The following TBL1X variants were observed in gnomAD, a reference collection of about 807,000 sequenced individuals.
The protein encoded by TBL1X is F-box-like/WD repeat-containing protein TBL1X.
In TBL1X, 10 loss-of-function variants were observed where a neutral mutation model predicts 50.7. The ratio of observed to expected loss-of-function variants is 0.20; its 90% CI spans 0.12 to 0.33. TBL1X has a LOEUF of 0.33. Ranked by LOEUF, TBL1X falls within the 10% of genes least tolerant of loss-of-function variation. The probability of loss-of-function intolerance (pLI) is 1.00; values close to 1 mark genes in which losing one functional copy is unlikely to be tolerated. For synonymous variants in TBL1X, 190 were observed against 214.7 expected (o/e 0.88, Z 1.01); for missense variants, 340 against 504.4 (o/e 0.67, Z 3.12).
intron 1 of TBL1X, among the ~76,000 whole-genome samples, chrX:9,467,012 T>G (rs912257156): frequency 1.8e-5 from 2 of 112,076 alleles, no homozygotes; most frequent in Non-Finnish European, 3.8e-5. Context: ...TCAGGCATTT[T>G]GCCCCTTTAC....
Position 9,702,983 on chromosome X carries a change from A to G in TBL1X, c.1115-2010A>G, listed in dbSNP as rs113938106. ...CGGACGACTAGCTCTCGAAGTCCCA[A>G]GCTCTCTGCCCCGTAAGGCATTACC... is the stretch of plus-strand genomic sequence containing the variant. On this transcript the variant is annotated intron_variant, in intron 12 of 17. Coordinates refer to ENST00000645353, the MANE Select transcript of TBL1X (RefSeq NM_005647.4). 3.0e-3 allele frequency among the ~76,000 whole-genome samples: 331 copies of G among 111,723 alleles called. 2 individuals are homozygous for G. The highest frequency in any genetic ancestry group is 0.01 in the African/African-American group (312 of 30,697).
chrX:9,656,443 G>A (rs1381978052), intron 5 of TBL1X, among the ~76,000 whole-genome samples: 2 of 112,737 alleles, frequency 1.8e-5, no homozygotes, highest in Non-Finnish European at 3.7e-5. Flanking sequence ...AGGGGGCCAC[G>A]GAGCATGAGC....
At chrX:9,649,766 C>T (rs1019846283) in intron 3 of TBL1X, among the ~76,000 whole-genome samples, 4 of 111,008 alleles carry the variant, frequency 3.6e-5, no homozygotes, top group East Asian at 5.7e-4. Flanking sequence ...TTCATCTCCA[C>T]GAATCAGAGT....
intron 1 of TBL1X, among the ~76,000 whole-genome samples, chrX:9,496,778 G>A (rs1211109624): frequency 7.2e-5 from 8 of 111,836 alleles, no homozygotes; most frequent in East Asian, 2.8e-4. Flanking sequence ...TTCCTAGCCC[G>A]AATGAGGGTG....
At chrX:9,563,839 T>C (rs2082335395) in intron 2 of TBL1X, among the ~76,000 whole-genome samples, 1 of 112,440 alleles carries the variant, frequency 8.9e-6, no homozygotes, top group African/African-American at 3.2e-5. Flanking sequence ...AAAAATTTTA[T>C]ACCAAGGGAC....
chrX:9,708,501 A>G (rs909518488), intron 13 of TBL1X, among the ~76,000 whole-genome samples: 1 of 111,470 alleles, frequency 9.0e-6, no homozygotes, highest in Non-Finnish European at 1.9e-5. Flanking sequence ...TTCACTTCTC[A>G]TGTTTACCCC....
rs193280926 is a variant in TBL1X, at chrX:9,635,282, G to A, written c.-130-4991G>A. ...CTCCAGACATTGCCTAATATCCCCT[G>A]GGAGATGGCGGGGGGTGTGGGGAGG... On this transcript the variant is annotated intron_variant, in intron 2 of 17. Transcript: ENST00000645353. Among the ~76,000 whole-genome samples, 196 of 111,317 alleles carry A rather than the reference G, an allele frequency of 1.8e-3. 1 individual carries two copies. The highest frequency in any genetic ancestry group is 6.2e-3 in the African/African-American group (191 of 30,654).
chrX:9,465,683 C>T (rs1490715906), intron 1 of TBL1X, among the ~76,000 whole-genome samples: 1 of 112,898 alleles, frequency 8.9e-6, no homozygotes, highest in Non-Finnish European at 1.9e-5. Flanking sequence ...CCCGAAGTGC[C>T]GGCGCGCCTT....
chrX:9,566,824 C>T (rs1219895655), intron 2 of TBL1X, among the ~76,000 whole-genome samples: 2 of 111,750 alleles, frequency 1.8e-5, no homozygotes, highest in Non-Finnish European at 3.8e-5. Flanking sequence ...GTGTTTTTCC[C>T]TAGAATTGAC....
intron 2 of TBL1X, among the ~76,000 whole-genome samples, chrX:9,588,939 G>A (rs1388638596): frequency 9.0e-6 from 1 of 111,200 alleles, no homozygotes; most frequent in East Asian, 2.8e-4. Context: ...TTACACTATT[G>A]TTTCTTTTGA....
intron 2 of TBL1X, among the ~76,000 whole-genome samples, chrX:9,565,649 C>T (rs1569057947): frequency 1.8e-5 from 2 of 110,472 alleles, no homozygotes; most frequent in African/African-American, 3.3e-5. Context: ...GGCAGCATAG[C>T]GTGACCCTTT....
intron 2 of TBL1X, among the ~76,000 whole-genome samples, chrX:9,565,850 C>T (rs1476796295): frequency 9.0e-6 from 1 of 110,850 alleles, no homozygotes; most frequent in Non-Finnish European, 1.9e-5. Context: ...ACAAAAACAA[C>T]AACAAAAAAA....
At position 9,505,319 on chromosome X, in the gene TBL1X, AC is replaced by A. The variant is rs1197308529; in HGVS notation, c.-131+3471del. Among the ~76,000 whole-genome samples, 4 of 112,153 alleles carry A rather than the reference AC, an allele frequency of 3.6e-5. No homozygotes were observed. The South Asian group carries it at 1.1e-3, about 31-fold the overall frequency. On this transcript the variant is annotated intron_variant, in intron 2 of 17. Coordinates refer to ENST00000645353, the MANE Select transcript of TBL1X (RefSeq NM_005647.4). The stretch of plus-strand genomic sequence containing the variant: ...GAAGCACTAAATATGGTAAGGAAAA[AC>A]TGGTACTAGCCACTGCAAAAACACA...
intron 5 of TBL1X, among the ~76,000 whole-genome samples, chrX:9,663,457 C>T (rs947050659): frequency 4.5e-5 from 5 of 111,565 alleles, no homozygotes; most frequent in Admixed American, 1.9e-4. Context: ...GAACAGGCCA[C>T]GTCAGAAGAT....
intron 2 of TBL1X, among the ~76,000 whole-genome samples, chrX:9,600,253 G>T (rs756462292): frequency 2.2e-4 from 24 of 110,405 alleles, no homozygotes; most frequent in African/African-American, 6.6e-4. Context: ...GGCACTGGCA[G>T]TTTTGGTGTC....
chrX:9,529,162 G>C (rs910026715), intron 2 of TBL1X, among the ~76,000 whole-genome samples: 1 of 111,916 alleles, frequency 8.9e-6, no homozygotes, highest in Non-Finnish European at 1.9e-5. Flanking sequence ...TGTGAACCAC[G>C]GCCCATATTT....
rs2082002935 is a variant in TBL1X, at chrX:9,501,839, C to T, written c.-141C>T. 1 of 111,519 alleles carries T rather than the reference C, an allele frequency of 9.0e-6. No homozygotes were observed. Among genetic ancestry groups the T allele is most frequent in the Non-Finnish European group, 1.9e-5 (1 of 53,050 alleles). 9.2% of individuals were successfully genotyped at this position (111,519 alleles called of 1,213,427 possible). ...CAGATGCCTCGCAGAGCACCAGGCC[C>T]ACCGTGAAAGGTACAGCAAATTTTA... On this transcript the variant is annotated 5_prime_UTR_variant, in exon 2 of 18. Transcript: ENST00000645353.
At chrX:9,667,626 T>C (rs762231316) in intron 5 of TBL1X, among the ~76,000 whole-genome samples, 1 of 112,358 alleles carries the variant, frequency 8.9e-6, no homozygotes, top group African/African-American at 3.2e-5. Flanking sequence ...ATTTTGCTTT[T>C]TCTTTTAAAC....
At chrX:9,594,731 G>A (rs2082519133) in intron 2 of TBL1X, among the ~76,000 whole-genome samples, 1 of 112,160 alleles carries the variant, frequency 8.9e-6, no homozygotes, top group Admixed American at 9.4e-5. Flanking sequence ...GGGAAGACAG[G>A]GGGCTGATAA....
Sources: allele counts gnomAD v4.1 joint callset (sites outside exome capture counted in the v4.1 genomes callset), GRCh38; gene constraint gnomAD v4.1.1; transcripts MANE v1.5; gene names NCBI Gene and HGNC (gene_info 2026-07-23, HGNC 2026-07-21).